CALCR: variants seen among roughly 807,000 people sequenced by gnomAD.
CALCR encodes calcitonin receptor.
In CALCR, 47 loss-of-function variants were observed where a neutral mutation model predicts 59.5. The ratio of observed to expected loss-of-function variants is 0.79; its 90% confidence interval spans 0.63 to 1.01. CALCR has a LOEUF of 1.01. Ranked by LOEUF, CALCR falls within the 50% of genes least tolerant of loss-of-function variation. The pLI is 0.00. For missense variants in CALCR, 566 were observed against 597.1 expected (o/e 0.95, Z 0.54); for synonymous variants, 213 against 211.3 (o/e 1.01, Z -0.07).
chr7:93,499,697 T>C (rs141733679), intron 2 of CALCR, among the ~76,000 whole-genome samples: 5 of 151,944 alleles, frequency 3.3e-5, no homozygotes, highest in African/African-American at 4.8e-5. Context: ...TGGTTAAATA[T>C]GTTGGTGCTT....
chr7:93,494,062 T>C (rs754211602), intron 2 of CALCR, among the ~76,000 whole-genome samples: 1 of 151,368 alleles, frequency 6.6e-6, no homozygotes, highest in South Asian at 2.1e-4. Flanking sequence ...AAGAAGGATA[T>C]GTAGAACACC....
At chr7:93,490,301 T>C (rs1197284443) in intron 2 of CALCR, among the ~76,000 whole-genome samples, 1 of 151,740 alleles carries the variant, frequency 6.6e-6, no homozygotes, top group African/African-American at 2.4e-5. Flanking sequence ...CAATATCACA[T>C]TGAATGGGGA....
chr7:93,565,881 A>C (rs144104947), intron 2 of CALCR, among the ~76,000 whole-genome samples: 161 of 152,334 alleles, frequency 1.1e-3, no homozygotes, highest in African/African-American at 3.7e-3. Flanking sequence ...TGTCAGACTT[A>C]AGGTTAGAAA....
chr7:93,442,196 G>C (rs150998979), intron 9 of CALCR, among the ~76,000 whole-genome samples: 237 of 152,274 alleles, frequency 1.6e-3, no homozygotes, highest in African/African-American at 5.5e-3. Flanking sequence ...TAGTTGCCTG[G>C]CTATATTTCT....
At chr7:93,533,680 T>C (rs1168896170) in intron 2 of CALCR, among the ~76,000 whole-genome samples, 2 of 151,856 alleles carry the variant, frequency 1.3e-5, no homozygotes, top group Non-Finnish European at 2.9e-5. Context: ...AAGGCTGGAT[T>C]TACTCTGATT....
rs745444864 is a variant in CALCR, at chr7:93,477,632, C to T, written c.242G>A (p.Cys81Tyr). 1 of 1,611,244 alleles carries T rather than the reference C, an allele frequency of 6.2e-7. No homozygotes were observed. The highest frequency in any genetic ancestry group is 8.5e-7 in the Non-Finnish European group (1 of 1,178,376). Reference sequence around the variant, plus strand: ...TACTCCAGCCGGTGTGTCATCCCAGCACAGCCATCCATCCCAGGTGCGATT... The same window carrying T: ...TACTCCAGCCGGTGTGTCATCCCAGTACAGCCATCCATCCCAGGTGCGATT... ...YCNRTWDGWL[C>Y]WDDTPAGVLS... The change falls in exon 5 of 14, where the codon TGC becomes TAC. Residue 81 changes from cysteine to tyrosine, a missense_variant. Cys to Tyr is a radical substitution (Grantham distance 194, BLOSUM62 -2). Transcript: ENST00000426151.
chr7:93,539,878 T>C (rs553164166), intron 2 of CALCR, among the ~76,000 whole-genome samples: 1 of 152,110 alleles, frequency 6.6e-6, no homozygotes. Flanking sequence ...CACATCAAAG[T>C]AGGGATTTGT....
intron 2 of CALCR, among the ~76,000 whole-genome samples, chr7:93,572,223 CT>C (rs538658248): frequency 6.6e-6 from 1 of 151,536 alleles, no homozygotes; most frequent in South Asian, 2.1e-4. Flanking sequence ...ATATATGTTT[CT>C]TTTTTTTAAA....
chr7:93,556,622 C>T lies in CALCR; in HGVS notation c.-27+17667G>A, dbSNP rs78963103. Among the ~76,000 whole-genome samples, 486 of 152,068 alleles carry T rather than the reference C, an allele frequency of 3.2e-3. 1 individual carries two copies. Among genetic ancestry groups the T allele is most frequent in the Non-Finnish European group, 5.5e-3 (374 of 67,954 alleles). ...CTAGACATTTTTCTGTGCACATAGGCATGTGTAGAATGTATAATTTTACAC... is the reference window on the plus strand; with the variant it reads ...CTAGACATTTTTCTGTGCACATAGGTATGTGTAGAATGTATAATTTTACAC... On this transcript the variant is annotated intron_variant, in intron 2 of 13. Transcript: ENST00000426151.
intron 5 of CALCR, among the ~76,000 whole-genome samples, chr7:93,476,788 G>A (rs1584566397): frequency 1.3e-5 from 2 of 152,004 alleles, no homozygotes; most frequent in Non-Finnish European, 2.9e-5. Context: ...ATAAGGGCCT[G>A]AAGGATTATC....
intron 2 of CALCR, among the ~76,000 whole-genome samples, chr7:93,533,016 C>T (rs1788888408): frequency 6.6e-6 from 1 of 151,708 alleles, no homozygotes; most frequent in Admixed American, 6.6e-5. Context: ...CTAAAAATAA[C>T]CTGAAGACTA....
intron 7 of CALCR, among the ~76,000 whole-genome samples, chr7:93,461,867 T>G (rs1036643112): frequency 6.6e-6 from 1 of 152,162 alleles, no homozygotes; most frequent in Non-Finnish European, 1.5e-5. Context: ...AATGAAAATC[T>G]TATATTTATC....
chr7:93,524,461 T>C (rs1055330865), intron 2 of CALCR, among the ~76,000 whole-genome samples: 1 of 152,112 alleles, frequency 6.6e-6, no homozygotes, highest in Non-Finnish European at 1.5e-5. Flanking sequence ...TGAAACACCG[T>C]GCCCAGCCTG....
chr7:93,533,995 G>A (rs949457739), intron 2 of CALCR, among the ~76,000 whole-genome samples: 4 of 151,370 alleles, frequency 2.6e-5, no homozygotes, highest in African/African-American at 9.7e-5. Context: ...GACCACCATT[G>A]GTTAATAAAG....
At chr7:93,562,197 G>A (rs532920239) in intron 2 of CALCR, among the ~76,000 whole-genome samples, 1 of 151,568 alleles carries the variant, frequency 6.6e-6, no homozygotes, top group Admixed American at 6.6e-5. Flanking sequence ...TAGCTTCTTT[G>A]ATTTTCAGTC....
chr7:93,514,662 C>T (rs1801614115), intron 2 of CALCR, among the ~76,000 whole-genome samples: 1 of 151,898 alleles, frequency 6.6e-6, no homozygotes, highest in African/African-American at 2.4e-5. Context: ...AGAGTAATTA[C>T]TTATTGAAAA....
intron 2 of CALCR, among the ~76,000 whole-genome samples, chr7:93,528,961 A>G (rs1184691787): frequency 6.6e-6 from 1 of 152,182 alleles, no homozygotes; most frequent in Non-Finnish European, 1.5e-5. Flanking sequence ...TTTTGTAGTA[A>G]TGGTGTGCTC....
intron 2 of CALCR, among the ~76,000 whole-genome samples, chr7:93,556,874 A>G (rs1789620559): frequency 1.3e-5 from 2 of 152,060 alleles, no homozygotes; most frequent in South Asian, 4.1e-4. Flanking sequence ...AGATGCACCT[A>G]AAGATATGTA....
chr7:93,505,151 A>G (rs570242643), intron 2 of CALCR, among the ~76,000 whole-genome samples: 1 of 151,912 alleles, frequency 6.6e-6, no homozygotes, highest in African/African-American at 2.4e-5. Context: ...AAGACTAGAT[A>G]TAGCTAAGTG....
Sources: gnomAD v4.1 joint callset for allele counts (sites outside exome capture counted in the v4.1 genomes callset) on GRCh38, gnomAD v4.1.1 for gene constraint, MANE v1.5 for transcripts, NCBI Gene and HGNC (gene_info 2026-07-23, HGNC 2026-07-21) for gene names.